The following MTCL3 variants were observed in gnomAD, a reference collection of about 807,000 sequenced individuals.
MTCL3 encodes microtubule cross-linking factor 3.
the MTCL3 span, among the ~76,000 whole-genome samples, chr6:127,494,373 GA>G: frequency 3.3e-5 from 5 of 150,676 alleles, no homozygotes; most frequent in Non-Finnish European, 7.4e-5. Context: ...TCAGAAAGAA[GA>G]AAAAAAAATA....
the MTCL3 span, chr6:127,515,453 G>C: frequency 2.2e-6 from 3 of 1,370,174 alleles, no homozygotes; most frequent in Non-Finnish European, 2.9e-6. The surrounding 1 kb of genome is among the most constrained non-coding windows in gnomAD (Gnocchi z 4.3). Context: ...GCCGGTACAC[G>C]CCCTAATCCT....
the MTCL3 span, among the ~76,000 whole-genome samples, chr6:127,477,914 T>C: frequency 6.6e-6 from 1 of 152,124 alleles, no homozygotes; most frequent in African/African-American, 2.4e-5. Flanking sequence ...CCCAAACTCA[T>C]ATTCCTTCCA....
chr6:127,500,345 C>A, the MTCL3 span, among the ~76,000 whole-genome samples: 1 of 152,096 alleles, frequency 6.6e-6, no homozygotes, highest in Middle Eastern at 3.2e-3. Context: ...TGTGTGAAAT[C>A]AACCAAAGGC....
the MTCL3 span, among the ~76,000 whole-genome samples, chr6:127,497,991 C>G: frequency 6.6e-6 from 1 of 152,026 alleles, no homozygotes; most frequent in Non-Finnish European, 1.5e-5. Flanking sequence ...CCATGAAAGT[C>G]TTAGGAAAAG....
the MTCL3 span, among the ~76,000 whole-genome samples, chr6:127,490,051 A>G: frequency 6.6e-6 from 1 of 152,240 alleles, no homozygotes; most frequent in South Asian, 2.1e-4. Context: ...GTGCCAAAAT[A>G]GCTGATAATT....
the MTCL3 span, among the ~76,000 whole-genome samples, chr6:127,498,854 A>T: frequency 6.6e-6 from 1 of 152,166 alleles, no homozygotes; most frequent in East Asian, 1.9e-4. Flanking sequence ...ATTATATGAG[A>T]TATTCAGAAA....
At chr6:127,493,321 A>G in the MTCL3 span, among the ~76,000 whole-genome samples, 1 of 152,238 alleles carries the variant, frequency 6.6e-6, no homozygotes. Flanking sequence ...AAAAAGCCAG[A>G]CTTTAGAAAA....
At chr6:127,475,550 C>T in the MTCL3 span, 12 of 1,611,418 alleles carry the variant, frequency 7.4e-6, no homozygotes, top group African/African-American at 1.1e-4. This position sits in a 1 kb window ranked among gnomAD's most constrained non-coding sequence, Gnocchi z 7.3. Context: ...ATGGTCTTGC[C>T]CAGGCGCTCG....
the MTCL3 span, chr6:127,473,053 A>T: frequency 9.3e-7 from 1 of 1,072,304 alleles, no homozygotes; most frequent in Non-Finnish European, 1.1e-6. Context: ...AAAACAATTC[A>T]TACAGAAAAA....
chr6:127,482,922 A>AGTC, the MTCL3 span: 1 of 1,606,800 alleles, frequency 6.2e-7, no homozygotes, highest in South Asian at 1.1e-5. The surrounding 1 kb of genome is among the most constrained non-coding windows in gnomAD (Gnocchi z 4.1). Context: ...CCTCTGTGGG[A>AGTC]GTCTGTTGAG....
the MTCL3 span, among the ~76,000 whole-genome samples, chr6:127,484,922 T>C: frequency 6.6e-6 from 1 of 152,174 alleles, no homozygotes; most frequent in Non-Finnish European, 1.5e-5. Context: ...GCATCAGTTA[T>C]CTCTGTGCTC....
the MTCL3 span, among the ~76,000 whole-genome samples, chr6:127,474,678 A>G: frequency 1.3e-5 from 2 of 152,098 alleles, no homozygotes; most frequent in Non-Finnish European, 2.9e-5. Flanking sequence ...GCCTGGGCTC[A>G]GGTGATCCTC....
the MTCL3 span, among the ~76,000 whole-genome samples, chr6:127,514,570 G>A: frequency 2.6e-5 from 4 of 152,232 alleles, no homozygotes; most frequent in Admixed American, 1.3e-4. Context: ...ACCTCTTGAA[G>A]AGCCACCTTT....
the MTCL3 span, among the ~76,000 whole-genome samples, chr6:127,493,616 C>G: frequency 6.6e-6 from 1 of 152,222 alleles, no homozygotes; most frequent in Non-Finnish European, 1.5e-5. Context: ...TTCTGCTAGA[C>G]AGCTAAACCC....
chr6:127,514,960 G>A, the MTCL3 span: 1 of 1,614,138 alleles, frequency 6.2e-7, no homozygotes, highest in Non-Finnish European at 8.5e-7. Context: ...TCCAACTCGT[G>A]GCGCATTTCC....
chr6:127,515,133 A>G, the MTCL3 span: 2 of 1,210,664 alleles, frequency 1.7e-6, no homozygotes, highest in Non-Finnish European at 2.4e-6. This position sits in a 1 kb window ranked among gnomAD's most constrained non-coding sequence, Gnocchi z 4.3. Context: ...TCCAATTCCA[A>G]ATTCTCAGCT....
chr6:127,474,348 G>A, the MTCL3 span, among the ~76,000 whole-genome samples: 3 of 151,910 alleles, frequency 2.0e-5, no homozygotes, highest in African/African-American at 7.3e-5. Flanking sequence ...TGTAATCTTG[G>A]CTCACTGCAA....
chr6:127,494,133 A>C, the MTCL3 span, among the ~76,000 whole-genome samples: 3 of 152,324 alleles, frequency 2.0e-5, no homozygotes, highest in Non-Finnish European at 4.4e-5. Flanking sequence ...ATTACTTTAG[A>C]ACATATCTGC....
chr6:127,488,074 C>T, the MTCL3 span, among the ~76,000 whole-genome samples: 2 of 152,146 alleles, frequency 1.3e-5, no homozygotes, highest in Non-Finnish European at 2.9e-5. Flanking sequence ...TCCCACCACA[C>T]TCCTCACTGC....
Sources: allele counts gnomAD v4.1 joint callset (sites outside exome capture counted in the v4.1 genomes callset), GRCh38; gene constraint gnomAD v4.1.1; non-coding constraint Gnocchi (gnomAD v3.1); transcripts MANE v1.5; gene names NCBI Gene and HGNC (gene_info 2026-07-23, HGNC 2026-07-21).